The following SECISBP2L variants were observed in gnomAD, a reference collection of about 807,000 sequenced individuals.
SECISBP2L encodes the protein selenocysteine insertion sequence-binding protein 2-like.
SECISBP2L carries 43 observed loss-of-function variants against 114.7 expected under a neutral mutation model. That is an observed-to-expected ratio of 0.38 (90% CI 0.29 to 0.48). The LOEUF (loss-of-function observed/expected upper bound fraction) is 0.48, where lower values mean the gene tolerates loss of function less well. Among genes scored for constraint, SECISBP2L ranks in the 20% least tolerant of loss-of-function variants. The pLI is 0.98. For synonymous variants in SECISBP2L, 451 were observed against 439.7 expected, an observed-to-expected ratio of 1.03 and a Z score of -0.32; for missense variants, 1,136 against 1,301.1, an observed-to-expected ratio of 0.87 and a Z score of 1.95.
rs1311815613 is a variant in SECISBP2L, at chr15:48,991,740, A to C, written c.*504T>G. ...GACTAAACATTTGTGGACCACATAAAAGTTGCATTGATTTTTTAACATACA... is the reference window on the plus strand; with the variant it reads ...GACTAAACATTTGTGGACCACATAACAGTTGCATTGATTTTTTAACATACA... On this transcript the variant is annotated 3_prime_UTR_variant, in exon 18 of 18. Transcript: ENST00000559471. 6.6e-6 allele frequency: 1 copy of C among 152,670 alleles called. No individual in the cohort carries two copies. The highest frequency in any genetic ancestry group is 2.4e-5 in the African/African-American group (1 of 41,456). 9.5% of individuals were successfully genotyped at this position (152,670 alleles called of 1,614,324 possible).
chr15:49,027,431 A>G lies in SECISBP2L; in HGVS notation c.969T>C (p.Pro323=). Reference sequence around the variant, plus strand: ...AAAATGTCTGATTTTTTTCCATCCAAGGTTTTTTCTGAGTTGCCTGGCAAG... The same window carrying G: ...AAAATGTCTGATTTTTTTCCATCCAGGGTTTTTTCTGAGTTGCCTGGCAAG... ...NVTCQATQKK[P]WMEKNQTFSR... Residue 323 remains proline, a synonymous_variant, in exon 7 of 18, where the codon CCT becomes CCC. Transcript: ENST00000559471. The G allele has an allele frequency of 6.2e-7, 1 of 1,609,776 alleles. No homozygotes were observed. Among genetic ancestry groups the G allele is most frequent in the Non-Finnish European group, 8.5e-7 (1 of 1,177,220 alleles).
intron 14 of SECISBP2L, among the ~76,000 whole-genome samples, chr15:49,007,373 ACT>A (rs1207844335): frequency 2.0e-5 from 3 of 152,026 alleles, no homozygotes; most frequent in African/African-American, 7.2e-5. Flanking sequence ...GGAACATTTA[ACT>A]CTGCTGAAGC....
At chr15:48,994,909 A>T (rs1457179689) in intron 17 of SECISBP2L, among the ~76,000 whole-genome samples, 9 of 151,712 alleles carry the variant, frequency 5.9e-5, no homozygotes, top group South Asian at 2.1e-4. Flanking sequence ...ATGAAAAAAA[A>T]TTTTAAAGGC....
chr15:49,002,942 T>C (rs1384629984), intron 14 of SECISBP2L, among the ~76,000 whole-genome samples: 1 of 152,232 alleles, frequency 6.6e-6, no homozygotes, highest in Non-Finnish European at 1.5e-5. Flanking sequence ...GGCTCTTTTT[T>C]GGTTCCATAT....
At chr15:49,039,584 G>C (rs574592770) in intron 1 of SECISBP2L, among the ~76,000 whole-genome samples, 1 of 150,638 alleles carries the variant, frequency 6.6e-6, no homozygotes, top group East Asian at 1.9e-4. Context: ...GGTGGAGGTG[G>C]GGTGCAGTGG....
At chr15:49,046,046 G>A (rs1903241645) in intron 1 of SECISBP2L, among the ~76,000 whole-genome samples, 1 of 152,180 alleles carries the variant, frequency 6.6e-6, no homozygotes, top group African/African-American at 2.4e-5. Context: ...GGGGAGAAGC[G>A]GCAACGGCGA....
intron 7 of SECISBP2L, among the ~76,000 whole-genome samples, chr15:49,025,500 T>C (rs1280957802): frequency 1.3e-5 from 2 of 152,210 alleles, no homozygotes; most frequent in Admixed American, 1.3e-4. Flanking sequence ...TAAACAAAGT[T>C]GTGTTAAGTA....
At chr15:49,012,511 C>A (rs1902455779) in intron 12 of SECISBP2L, 137 bp downstream of exon 12, 2 of 843,618 alleles carry the variant, frequency 2.4e-6, no homozygotes, top group Non-Finnish European at 3.7e-6. Flanking sequence ...CAAATTAACA[C>A]ATTATCGTCA....
chr15:49,028,422 C>G, intron 5 of SECISBP2L, 31 bp downstream of exon 5: 1 of 1,593,072 alleles, frequency 6.3e-7, no homozygotes, highest in Non-Finnish European at 8.6e-7. Flanking sequence ...ATATCAATGA[C>G]CAATAAAGAA....
At chr15:49,040,567 G>A (rs1219638532) in intron 1 of SECISBP2L, among the ~76,000 whole-genome samples, 1 of 102,212 alleles carries the variant, frequency 9.8e-6, no homozygotes, top group East Asian at 3.0e-4. Flanking sequence ...ACGGAGTCTT[G>A]CTCTGTGGCC....
Position 49,035,796 on chromosome 15 carries a change from T to C in SECISBP2L, c.204-138A>G. The C allele has an allele frequency of 1.4e-5, 10 of 721,798 alleles. No individual in the cohort carries two copies. In the South Asian group the frequency reaches 1.5e-4, roughly 11 times the overall value. The allele number at this position is 721,798 out of a possible 1,614,324, so 44.7% of individuals were successfully genotyped here. On this transcript the variant is annotated intron_variant, in intron 2 of 17. Transcript: ENST00000559471. ...ATAATTTTGGGAAAGGAGACAAAAC[T>C]ATCATCATCTTATAAATTTCTTTGC...
At chr15:49,035,186 G>C in intron 3 of SECISBP2L, 148 bp downstream of exon 3, 2 of 640,794 alleles carry the variant, frequency 3.1e-6, no homozygotes, top group Non-Finnish European at 5.1e-6. Flanking sequence ...ATTATTTTAA[G>C]AATTACATAC....
At chr15:49,028,216 A>T (rs780300651) in intron 5 of SECISBP2L, 48 bp from the exon 6 acceptor site, 3 of 1,482,372 alleles carry the variant, frequency 2.0e-6, no homozygotes, top group South Asian at 2.5e-5. Flanking sequence ...GAGAACCAAC[A>T]TTATGTACTT....
In SECISBP2L at chr15:48,990,399, A is replaced by C. The variant is rs1331972922; in HGVS notation, c.*1845T>G. On this transcript the variant is annotated 3_prime_UTR_variant, in exon 18 of 18. Coordinates refer to ENST00000559471, the MANE Select transcript of SECISBP2L (RefSeq NM_001193489.2). ...GAGACAGTAAGATCTGCCATGTATA[A>C]ATCCATGAGTACTATTTCAGAGGCT... 2.0e-5 allele frequency: 3 copies of C among 152,394 alleles called. No homozygotes were observed. Among genetic ancestry groups the C allele is most frequent in the Non-Finnish European group, 4.4e-5 (3 of 68,036 alleles). The allele number at this position is 152,394 out of a possible 1,614,324, so 9.4% of individuals were successfully genotyped here.
chr15:49,026,143 C>T (rs1566859758), intron 7 of SECISBP2L, among the ~76,000 whole-genome samples: 1 of 152,072 alleles, frequency 6.6e-6, no homozygotes, highest in Non-Finnish European at 1.5e-5. Flanking sequence ...AAATAACACA[C>T]GTTGTCACTC....
intron 8 of SECISBP2L, among the ~76,000 whole-genome samples, chr15:49,018,349 T>C (rs965922429): frequency 3.3e-5 from 5 of 151,612 alleles, no homozygotes; most frequent in African/African-American, 1.2e-4. Context: ...CTCCACCTCC[T>C]GGGTTCAAGC....
intron 7 of SECISBP2L, among the ~76,000 whole-genome samples, chr15:49,021,770 C>T (rs190906264): frequency 2.4e-4 from 36 of 152,254 alleles, no homozygotes; most frequent in African/African-American, 8.2e-4. Context: ...TAAATTAAAA[C>T]CCCCAAACTA....
chr15:49,010,495 T>C (rs1902415907), intron 13 of SECISBP2L, among the ~76,000 whole-genome samples: 1 of 152,078 alleles, frequency 6.6e-6, no homozygotes, highest in Non-Finnish European at 1.5e-5. Context: ...CTACACATGG[T>C]GTTTTTTTTT....
chr15:49,023,678 C>T (rs753111615), intron 7 of SECISBP2L, among the ~76,000 whole-genome samples: 11 of 152,236 alleles, frequency 7.2e-5, no homozygotes, highest in Admixed American at 3.3e-4. Context: ...CACAATATTA[C>T]GAGTTGTCTA....
Sources: allele counts gnomAD v4.1 joint callset (sites outside exome capture counted in the v4.1 genomes callset), GRCh38; gene constraint gnomAD v4.1.1; transcripts MANE v1.5; gene names NCBI Gene and HGNC (gene_info 2026-07-23, HGNC 2026-07-21).